Variants in KAZN observed in about 807,000 individuals in gnomAD.
The protein encoded by KAZN is kazrin.
Under a neutral mutation model 87.4 loss-of-function variants are expected in KAZN, and 40 were observed. The observed-to-expected ratio is 0.46, with a 90% CI of 0.36 to 0.60. The LOEUF is 0.60. KAZN is among the 20% of genes least tolerant of loss of function. KAZN has a pLI of 0.00. For missense variants in KAZN, 898 were observed against 1,073.9 expected (o/e 0.84, Z 2.29); for synonymous variants, 466 against 458.3 (o/e 1.02, Z -0.22).
chr1:14,653,498 G>A (rs938554018), intron 1 of KAZN, among the ~76,000 whole-genome samples: 2 of 152,168 alleles, frequency 1.3e-5, no homozygotes, highest in African/African-American at 4.8e-5. Flanking sequence ...CGGCCAGACC[G>A]GTCTCAGTTT....
intron 2 of KAZN, among the ~76,000 whole-genome samples, chr1:14,967,582 C>T (rs1026926342): frequency 2.0e-5 from 3 of 152,134 alleles, no homozygotes; most frequent in Non-Finnish European, 4.4e-5. Flanking sequence ...CTCCGGTGGG[C>T]CCAGTGGATC....
At chr1:13,977,121 T>G (rs895674669) in intron 1 of KAZN, among the ~76,000 whole-genome samples, 5 of 152,234 alleles carry the variant, frequency 3.3e-5, no homozygotes, top group African/African-American at 4.8e-5. Context: ...AGAGAGATCC[T>G]TACCTGTGCA....
At chr1:14,860,701 A>G (rs138664211) in intron 1 of KAZN, among the ~76,000 whole-genome samples, 1,818 of 152,334 alleles carry the variant, frequency 0.012, 46 homozygotes, top group African/African-American at 0.041. Flanking sequence ...TACACACTGC[A>G]CACATATACC....
At chr1:14,974,311 G>A (rs1281938260) in intron 2 of KAZN, among the ~76,000 whole-genome samples, 3 of 152,178 alleles carry the variant, frequency 2.0e-5, no homozygotes, top group African/African-American at 7.2e-5. Context: ...ATGCATTTGT[G>A]TCCAGCTTTG....
intron 2 of KAZN, among the ~76,000 whole-genome samples, chr1:14,229,627 A>G (rs1434203456): frequency 5.9e-5 from 9 of 152,184 alleles, no homozygotes; most frequent in Non-Finnish European, 8.8e-5. Flanking sequence ...CGAAAATCTT[A>G]TTCATATAAG....
Position 14,022,485 on chromosome 1 carries a change from C to CA in KAZN, c.91+128758dup, listed in dbSNP as rs58713618. On this transcript the variant is annotated intron_variant, in intron 1 of 16. Coordinates refer to the KAZN transcript ENST00000636203. ...CATTATAGCTTTCACGTATTTAAAG[C>CA]AAAAAAAAAAAAAAAAAAAAAAAAA... 3.0e-4 allele frequency among the ~76,000 whole-genome samples: 33 copies of CA among 110,490 alleles called. 1 individual carries two copies. Among genetic ancestry groups the CA allele is most frequent in the East Asian group, 2.9e-3 (8 of 2,768 alleles). 72.5% of individuals were successfully genotyped at this position (110,490 alleles called of 152,430 possible).
chr1:14,304,025 G>C (rs1434483519), intron 2 of KAZN, among the ~76,000 whole-genome samples: 3 of 152,156 alleles, frequency 2.0e-5, no homozygotes, highest in Non-Finnish European at 4.4e-5. Flanking sequence ...CTGCTAAATA[G>C]CTCTTACCTT....
intron 1 of KAZN, among the ~76,000 whole-genome samples, chr1:14,007,267 A>T (rs1198198888): frequency 1.3e-5 from 2 of 152,140 alleles, no homozygotes; most frequent in African/African-American, 4.8e-5. Flanking sequence ...CATATATAGG[A>T]TTATGTCCTC....
intron 2 of KAZN, among the ~76,000 whole-genome samples, chr1:14,291,845 T>C (rs1288922420): frequency 6.6e-6 from 1 of 152,206 alleles, no homozygotes; most frequent in East Asian, 1.9e-4. Flanking sequence ...AATGGTTTTA[T>C]AAGGGGCTTT....
rs1290411215 is a variant in KAZN at position 15,056,030 on chromosome 1, C to G, written c.727-61C>G. On this transcript the variant is annotated intron_variant, in intron 4 of 14. Transcript: ENST00000376030. The surrounding 1 kb of genome is among the most constrained non-coding windows in gnomAD (Gnocchi z 5.4). ...CCCCATGGCGGTGGGTGGTGCCAAG[C>G]AGCTGGCCAAGAGTTCCCCTTGATC... 1.3e-6 allele frequency: 2 copies of G among 1,515,554 alleles called. No homozygotes were observed. Among genetic ancestry groups the G allele is most frequent in the East Asian group, 4.6e-5 (2 of 43,816 alleles). The allele number at this position is 1,515,554 out of a possible 1,614,324, so 93.9% of individuals were successfully genotyped here.
At chr1:14,826,618 G>A (rs1207808534) in intron 1 of KAZN, among the ~76,000 whole-genome samples, 3 of 152,148 alleles carry the variant, frequency 2.0e-5, no homozygotes, top group Non-Finnish European at 4.4e-5. Flanking sequence ...CCATGTCAGT[G>A]GTTCTGTCGG....
chr1:14,856,041 G>A lies in KAZN; in HGVS notation c.227-104643G>A, dbSNP rs114272176. Among the ~76,000 whole-genome samples the A allele has an allele frequency of 3.8e-4, 58 of 152,316 alleles. No homozygotes were observed. Among genetic ancestry groups the A allele is most frequent in the African/African-American group, 1.4e-3 (57 of 41,576 alleles). ...CAAGGAGCACATTAGTAATTGGAATGTGACATTGGGATATGGCAGGTGAGT... is the reference window on the plus strand; with the variant it reads ...CAAGGAGCACATTAGTAATTGGAATATGACATTGGGATATGGCAGGTGAGT... On this transcript the variant is annotated intron_variant, in intron 1 of 14. Coordinates refer to ENST00000376030, the MANE Select transcript of KAZN (RefSeq NM_201628.3). The surrounding 1 kb of genome is among the most constrained non-coding windows in gnomAD (Gnocchi z 5.2).
chr1:14,226,053 A>G (rs927267613), intron 2 of KAZN, among the ~76,000 whole-genome samples: 1 of 152,148 alleles, frequency 6.6e-6, no homozygotes, highest in African/African-American at 2.4e-5. Context: ...AAAAAACAAA[A>G]AAACAAAACA....
chr1:14,957,472 C>T (rs186247044), intron 1 of KAZN, among the ~76,000 whole-genome samples: 89 of 152,324 alleles, frequency 5.8e-4, no homozygotes, highest in African/African-American at 1.9e-3. Flanking sequence ...GTGAAGGAGA[C>T]GAGGCAGGAT....
chr1:14,219,948 T>C (rs1251992538), intron 2 of KAZN, among the ~76,000 whole-genome samples: 1 of 152,214 alleles, frequency 6.6e-6, no homozygotes, highest in African/African-American at 2.4e-5. Context: ...CTTAGCAACA[T>C]TTCTTCAGTC....
chr1:15,103,157 C>T (rs1424150637), intron 11 of KAZN, among the ~76,000 whole-genome samples: 6 of 152,166 alleles, frequency 3.9e-5, no homozygotes, highest in Non-Finnish European at 8.8e-5. Context: ...ATCCCAGCTG[C>T]TCGGGAAGCT....
At chr1:13,994,518 A>G (rs1639422317) in intron 1 of KAZN, among the ~76,000 whole-genome samples, 1 of 152,210 alleles carries the variant, frequency 6.6e-6, no homozygotes, top group Admixed American at 6.5e-5. Flanking sequence ...ACAAATATTT[A>G]TTGAGCCCCA....
chr1:14,935,303 C>T lies in KAZN; in HGVS notation c.227-25381C>T, dbSNP rs1451431485. Among the ~76,000 whole-genome samples, 4 of 152,216 alleles carry T rather than the reference C, an allele frequency of 2.6e-5. No homozygotes were observed. The East Asian group carries it at 7.7e-4, about 29-fold the overall frequency. On this transcript the variant is annotated intron_variant, in intron 1 of 14. Transcript: ENST00000376030. ...TTGACAAGGCTGGAGTGCGGTGGCG[C>T]AATCTTGGCTCTCTGCAACCTCTGC...
At chr1:14,934,258 G>C (rs987648855) in intron 1 of KAZN, among the ~76,000 whole-genome samples, 2 of 150,690 alleles carry the variant, frequency 1.3e-5, no homozygotes, top group African/African-American at 4.9e-5. Context: ...ACCAAGGCTG[G>C]AGTGCAGTGG....
Sources: allele counts gnomAD v4.1 joint callset (sites outside exome capture counted in the v4.1 genomes callset), GRCh38; gene constraint gnomAD v4.1.1; non-coding constraint Gnocchi (gnomAD v3.1); transcripts MANE v1.5; gene names NCBI Gene and HGNC (gene_info 2026-07-23, HGNC 2026-07-21).